Variants in NRG3 observed in about 807,000 individuals in gnomAD.
The protein encoded by NRG3 is neuregulin 3.
Under a neutral mutation model 66.9 loss-of-function variants are expected in NRG3, and 31 were observed. That is an observed-to-expected ratio of 0.46 (90% CI 0.35 to 0.63). The LOEUF (loss-of-function observed/expected upper bound fraction) is 0.63, where lower values mean the gene tolerates loss of function less well. Among genes scored for constraint, NRG3 ranks in the 20% least tolerant of loss-of-function variants. NRG3 has a pLI of 0.00. For synonymous variants in NRG3, 393 were observed against 359.4 expected, an observed-to-expected ratio of 1.09 and a Z score of -1.06; for missense variants, 910 against 878.9, an observed-to-expected ratio of 1.04 and a Z score of -0.45.
At chr10:82,968,915 G>A (rs940493179) in intron 6 of NRG3, among the ~76,000 whole-genome samples, 6 of 152,182 alleles carry the variant, frequency 3.9e-5, no homozygotes, top group Middle Eastern at 3.2e-3. Flanking sequence ...TGGAAAGCAC[G>A]TCTTACGTGG....
In NRG3 at chr10:82,170,464, C is replaced by T. The variant is rs556911851; in HGVS notation, c.824-188275C>T. 3.3e-5 allele frequency among the ~76,000 whole-genome samples: 5 copies of T among 151,560 alleles called. No homozygotes were observed. In the East Asian group the frequency reaches 9.7e-4, roughly 29 times the overall value. The stretch of plus-strand genomic sequence containing the variant: ...CCTTGAACTTAATATGCGTCTTGTC[C>T]AAACCTGGGTATTTATTTTCTCCAT... On this transcript the variant is annotated intron_variant, in intron 1 of 8. Coordinates refer to ENST00000372141, the MANE Select transcript of NRG3 (RefSeq NM_001010848.4).
intron 4 of NRG3, among the ~76,000 whole-genome samples, chr10:82,889,192 C>A (rs2839915): frequency 6.6e-6 from 1 of 152,044 alleles, no homozygotes; most frequent in Non-Finnish European, 1.5e-5. Flanking sequence ...CTGTAAGGAT[C>A]TAGAGGAGAC....
intron 1 of NRG3, among the ~76,000 whole-genome samples, chr10:82,169,692 A>G (rs1174425986): frequency 1.3e-5 from 2 of 151,358 alleles, no homozygotes; most frequent in Non-Finnish European, 3.0e-5. Context: ...TTGCATTTCT[A>G]CTTGCTCTCT....
intron 2 of NRG3, among the ~76,000 whole-genome samples, chr10:82,396,016 G>A: frequency 6.6e-6 from 1 of 152,116 alleles, no homozygotes; most frequent in East Asian, 1.9e-4. Flanking sequence ...CTTATCAGGA[G>A]CGGTTTGAAC....
chr10:82,095,656 A>G (rs562082358), intron 1 of NRG3, among the ~76,000 whole-genome samples: 21 of 152,340 alleles, frequency 1.4e-4, no homozygotes, highest in Admixed American at 1.1e-3. Flanking sequence ...GGAAAGGACC[A>G]GTGAAGTGGG....
intron 2 of NRG3, among the ~76,000 whole-genome samples, chr10:82,581,991 G>A (rs2046382475): frequency 6.6e-6 from 1 of 151,822 alleles, no homozygotes; most frequent in Non-Finnish European, 1.5e-5. Context: ...CTTCTTTATT[G>A]ATATTTATAG....
intron 5 of NRG3, 94 bp downstream of exon 5, chr10:82,951,665 AC>A (rs1291481609): frequency 5.7e-6 from 6 of 1,061,202 alleles, no homozygotes; most frequent in Non-Finnish European, 8.5e-6. Flanking sequence ...CACAGAGGGA[AC>A]CTGTGGAAAT....
intron 1 of NRG3, among the ~76,000 whole-genome samples, chr10:81,932,143 A>G (rs1412856144): frequency 6.6e-6 from 1 of 151,600 alleles, no homozygotes; most frequent in Non-Finnish European, 1.5e-5. Context: ...AACACGTCAG[A>G]TGGTGAAAGC....
chr10:82,645,850 A>AT (rs1233400589), intron 2 of NRG3, among the ~76,000 whole-genome samples: 1 of 151,028 alleles, frequency 6.6e-6, no homozygotes, highest in Non-Finnish European at 1.5e-5. Flanking sequence ...TTTAATTTTT[A>AT]TTTTTTTTCC....
At chr10:82,719,916 T>G (rs933121738) in intron 2 of NRG3, among the ~76,000 whole-genome samples, 8 of 152,232 alleles carry the variant, frequency 5.3e-5, no homozygotes, top group African/African-American at 1.9e-4. Context: ...ATTGAGAGAT[T>G]AGGATATTAG....
intron 2 of NRG3, among the ~76,000 whole-genome samples, chr10:82,537,412 G>A (rs888964111): frequency 2.0e-5 from 3 of 151,884 alleles, no homozygotes; most frequent in African/African-American, 7.3e-5. Flanking sequence ...GGTGACTTTC[G>A]CACCTTTGTT....
At chr10:82,935,223 T>C (rs1592013064) in intron 4 of NRG3, among the ~76,000 whole-genome samples, 1 of 152,334 alleles carries the variant, frequency 6.6e-6, no homozygotes, top group East Asian at 1.9e-4. Flanking sequence ...GTCTGAGAAA[T>C]GCCAAATATC....
chr10:82,338,557 C>T (rs2082512492), intron 1 of NRG3, among the ~76,000 whole-genome samples: 1 of 152,152 alleles, frequency 6.6e-6, no homozygotes, highest in South Asian at 2.1e-4. Context: ...CAGTACTCAG[C>T]AGTCTTATAT....
At chr10:82,060,610 G>T (rs942855684) in intron 1 of NRG3, among the ~76,000 whole-genome samples, 3 of 152,120 alleles carry the variant, frequency 2.0e-5, no homozygotes, top group Non-Finnish European at 4.4e-5. Context: ...TTTTGTTTTA[G>T]CCTTGTGAAT....
chr10:82,823,925 A>G (rs1243009332), intron 3 of NRG3, among the ~76,000 whole-genome samples: 1 of 152,174 alleles, frequency 6.6e-6, no homozygotes, highest in South Asian at 2.1e-4. Flanking sequence ...TTCTTCAAAC[A>G]TCACCCCTAT....
intron 1 of NRG3, among the ~76,000 whole-genome samples, chr10:82,193,376 C>T (rs896832151): frequency 1.3e-5 from 2 of 152,168 alleles, no homozygotes; most frequent in Non-Finnish European, 2.9e-5. Context: ...CTCCTGACCT[C>T]AAGTAATCCC....
intron 1 of NRG3, among the ~76,000 whole-genome samples, chr10:82,338,856 G>T (rs1260333137): frequency 6.6e-6 from 1 of 152,124 alleles, no homozygotes; most frequent in Non-Finnish European, 1.5e-5. Flanking sequence ...ACCCAGATCT[G>T]CAAAAGTACA....
chr10:82,236,694 C>T (rs995386552), intron 1 of NRG3, among the ~76,000 whole-genome samples: 3 of 149,576 alleles, frequency 2.0e-5, no homozygotes, highest in Non-Finnish European at 3.0e-5. Context: ...TCTCCTTCTC[C>T]ATATGAAAAC....
intron 1 of NRG3, among the ~76,000 whole-genome samples, chr10:82,249,508 C>T (rs1377056689): frequency 6.6e-6 from 1 of 152,070 alleles, no homozygotes; most frequent in African/African-American, 2.4e-5. Flanking sequence ...GTAGCAGATA[C>T]TGTTGGATAT....
Sources: gnomAD v4.1 joint callset for allele counts (sites outside exome capture counted in the v4.1 genomes callset) on GRCh38, gnomAD v4.1.1 for gene constraint, MANE v1.5 for transcripts, NCBI Gene and HGNC (gene_info 2026-07-23, HGNC 2026-07-21) for gene names.